Variants in KATNAL1 observed in about 807,000 individuals in gnomAD.
KATNAL1 encodes katanin p60 ATPase-containing subunit A-like 1.
In KATNAL1, 32 loss-of-function variants were observed where a neutral mutation model predicts 55.2. The observed-to-expected ratio is 0.58, with a 90% confidence interval of 0.44 to 0.78. KATNAL1 has a LOEUF of 0.78. KATNAL1 is among the 30% of genes least tolerant of loss of function. KATNAL1 has a pLI of 0.00. For missense variants in KATNAL1, 466 were observed against 600.9 expected, an observed-to-expected ratio of 0.78 and a Z score of 2.35; for synonymous variants, 193 against 193.6, an observed-to-expected ratio of 1.00 and a Z score of 0.02.
At position 30,261,896 on chromosome 13, in the gene KATNAL1, C is replaced by T. The variant is rs913634700; in HGVS notation, c.324-6281G>A. 4.5e-3 allele frequency among the ~76,000 whole-genome samples: 682 copies of T among 152,022 alleles called. 9 individuals are homozygous for T. The highest frequency in any genetic ancestry group is 0.015 in the African/African-American group (642 of 41,510). Reference sequence around the variant, plus strand: ...ATAGACATCTACAGAACTCTCCACCCCAAATCAACAGAATATACATTTTTT... The same window carrying T: ...ATAGACATCTACAGAACTCTCCACCTCAAATCAACAGAATATACATTTTTT... On this transcript the variant is annotated intron_variant, in intron 3 of 10. Transcript: ENST00000380615.
chr13:30,219,209 G>T (rs1025793885), intron 9 of KATNAL1, among the ~76,000 whole-genome samples: 2 of 151,674 alleles, frequency 1.3e-5, no homozygotes, highest in Admixed American at 6.6e-5. Context: ...TTTTACCCTG[G>T]ATTTCCAAAA....
chr13:30,250,982 C>CA (rs952495580), intron 4 of KATNAL1, among the ~76,000 whole-genome samples: 18 of 151,700 alleles, frequency 1.2e-4, no homozygotes, highest in African/African-American at 4.1e-4. Flanking sequence ...ACTAAAAGTA[C>CA]AAAAAAATAG....
chr13:30,287,108 G>C (rs918585402), intron 1 of KATNAL1, among the ~76,000 whole-genome samples: 1 of 152,148 alleles, frequency 6.6e-6, no homozygotes, highest in Admixed American at 6.5e-5. Flanking sequence ...CTTTGGATTT[G>C]GACTTTTGAG....
intron 6 of KATNAL1, 98 bp from the exon 7 acceptor site, chr13:30,231,570 A>G: frequency 1.4e-6 from 1 of 713,354 alleles, no homozygotes. Context: ...TTTTCCATCA[A>G]AAGATAAACT....
At chr13:30,239,436 T>C (rs951571329) in intron 6 of KATNAL1, among the ~76,000 whole-genome samples, 5 of 152,066 alleles carry the variant, frequency 3.3e-5, no homozygotes, top group African/African-American at 4.8e-5. Flanking sequence ...ACATTTATTG[T>C]CCCATTTCAG....
intron 2 of KATNAL1, among the ~76,000 whole-genome samples, chr13:30,281,523 A>G (rs926461486): frequency 6.6e-6 from 1 of 152,254 alleles, no homozygotes; most frequent in African/African-American, 2.4e-5. Flanking sequence ...GAAAACAACT[A>G]AAAATTTGAG....
chr13:30,254,979 C>T (rs1878653638), intron 4 of KATNAL1, among the ~76,000 whole-genome samples: 1 of 152,092 alleles, frequency 6.6e-6, no homozygotes, highest in Non-Finnish European at 1.5e-5. Flanking sequence ...CAAGGGGAAT[C>T]TTCTCAAGGA....
chr13:30,281,732 T>C (rs1037494671), intron 2 of KATNAL1: 1 of 152,236 alleles, frequency 6.6e-6, no homozygotes, highest in African/African-American at 2.4e-5. Context: ...TTTTAATTTT[T>C]AGAAGATTTT....
At chr13:30,245,389 C>T (rs1391263566) in intron 4 of KATNAL1, among the ~76,000 whole-genome samples, 1 of 152,008 alleles carries the variant, frequency 6.6e-6, no homozygotes, top group African/African-American at 2.4e-5. Context: ...TACTAGGTAT[C>T]GATGGAACAT....
At chr13:30,266,245 G>A (rs1057195820) in intron 3 of KATNAL1, among the ~76,000 whole-genome samples, 10 of 151,682 alleles carry the variant, frequency 6.6e-5, no homozygotes, top group South Asian at 2.1e-4. Flanking sequence ...CAAGTGATCC[G>A]CCCACCTCGG....
chr13:30,286,548 G>C (rs1347754435), intron 1 of KATNAL1, among the ~76,000 whole-genome samples: 1 of 152,236 alleles, frequency 6.6e-6, no homozygotes, highest in African/African-American at 2.4e-5. Context: ...AATGCCTGGA[G>C]GTCCAGGCAG....
intron 1 of KATNAL1, among the ~76,000 whole-genome samples, chr13:30,300,877 T>C (rs1177949697): frequency 6.6e-6 from 1 of 152,152 alleles, no homozygotes; most frequent in Non-Finnish European, 1.5e-5. Flanking sequence ...CTCAAATATT[T>C]TAGAAACAAA....
At chr13:30,260,080 CCTAACTGGGAGGTACCCCCCAGCAGG>C (rs1000289953) in intron 3 of KATNAL1, among the ~76,000 whole-genome samples, 3 of 152,196 alleles carry the variant, frequency 2.0e-5, no homozygotes, top group African/African-American at 4.8e-5. Flanking sequence ...CCCCCAGCAG[CCTAACTGGGAGGTACCCCCCAGCAGG>C]GGCAGACTGA....
At chr13:30,216,590 A>T (rs1415445549) in intron 9 of KATNAL1, among the ~76,000 whole-genome samples, 2 of 152,192 alleles carry the variant, frequency 1.3e-5, no homozygotes, top group African/African-American at 4.8e-5. Flanking sequence ...AGGAGCCCCC[A>T]TCCTTGATCC....
chr13:30,296,501 T>C (rs1215528951), intron 1 of KATNAL1: 13 of 732,364 alleles, frequency 1.8e-5, no homozygotes, highest in Non-Finnish European at 3.3e-5. Flanking sequence ...TGAAAACAGA[T>C]GAGTGCATTG....
intron 9 of KATNAL1, among the ~76,000 whole-genome samples, chr13:30,225,181 T>C (rs371793511): frequency 1.0e-3 from 152 of 152,278 alleles, no homozygotes; most frequent in Non-Finnish European, 1.9e-3. Context: ...CAACATAGAT[T>C]CCAATGTATC....
At chr13:30,226,086 A>T (rs180835204) in intron 9 of KATNAL1, among the ~76,000 whole-genome samples, 1 of 152,372 alleles carries the variant, frequency 6.6e-6, no homozygotes, top group Admixed American at 6.5e-5. Flanking sequence ...ACAGCATTTC[A>T]TACTTACTAG....
intron 8 of KATNAL1, among the ~76,000 whole-genome samples, chr13:30,229,947 G>C (rs572303376): frequency 3.1e-5 from 2 of 64,516 alleles, no homozygotes; most frequent in African/African-American, 8.5e-5. Flanking sequence ...AAGAAGAGGG[G>C]CTTTTTTTTT....
At chr13:30,277,743 G>T (rs1005625145) in intron 3 of KATNAL1, among the ~76,000 whole-genome samples, 2 of 152,000 alleles carry the variant, frequency 1.3e-5, no homozygotes, top group Non-Finnish European at 2.9e-5. Context: ...CAGCACTTTG[G>T]GAGGCCGAGG....
Sources: gnomAD v4.1 joint callset for allele counts (sites outside exome capture counted in the v4.1 genomes callset) on GRCh38, gnomAD v4.1.1 for gene constraint, MANE v1.5 for transcripts, NCBI Gene and HGNC (gene_info 2026-07-23, HGNC 2026-07-21) for gene names.